COL10A1: variants seen among roughly 807,000 people sequenced by gnomAD.
The protein encoded by COL10A1 is collagen type X alpha 1 chain, also known as collagen alpha-1(X) chain.
COL10A1 carries 10 observed loss-of-function variants against 18.2 expected under a neutral mutation model. That is an observed-to-expected ratio of 0.55 (90% CI 0.34 to 0.93). The LOEUF (loss-of-function observed/expected upper bound fraction) is 0.93. Ranked by LOEUF, COL10A1 falls within the 40% of genes least tolerant of loss-of-function variation. The pLI is 0.02. For synonymous variants in COL10A1, 330 were observed against 316.6 expected (o/e 1.04, Z -0.45); for missense variants, 897 against 853.5 (o/e 1.05, Z -0.64).
chr6:116,164,953 C>T, the COL10A1 span, among the ~76,000 whole-genome samples: 8 of 151,844 alleles, frequency 5.3e-5, no homozygotes, highest in African/African-American at 1.7e-4. Context: ...AAAAAATTAG[C>T]GGACATGGTG....
the COL10A1 span, among the ~76,000 whole-genome samples, chr6:116,208,965 G>T: frequency 2.0e-5 from 3 of 151,850 alleles, no homozygotes; most frequent in African/African-American, 7.3e-5. Flanking sequence ...ATACATAAAG[G>T]TATTTATGTT....
chr6:116,175,736 A>T, the COL10A1 span, among the ~76,000 whole-genome samples: 520 of 152,284 alleles, frequency 3.4e-3, 15 homozygotes, highest in South Asian at 0.046. Flanking sequence ...CTCATCTCAG[A>T]TACTGTCTTT....
chr6:116,190,722 T>C, the COL10A1 span, among the ~76,000 whole-genome samples: 13 of 152,022 alleles, frequency 8.6e-5, no homozygotes, highest in Non-Finnish European at 1.9e-4. Flanking sequence ...GTCTCTGGAT[T>C]CTTGACAACT....
rs78770010 is a variant in COL10A1 at position 116,157,558 on chromosome 6, G to A, written c.-16+1056C>T. On this transcript the variant is annotated intron_variant, in intron 1 of 1. Transcript: ENST00000418500. ...TTGAAGAGATTTGAGTCCAATGGGGGATCAAGTGTATGTGAAATTGCATTT... is the reference window on the plus strand; with the variant it reads ...TTGAAGAGATTTGAGTCCAATGGGGAATCAAGTGTATGTGAAATTGCATTT... 7.0e-3 allele frequency among the ~76,000 whole-genome samples: 1,062 copies of A among 152,286 alleles called. 7 individuals are homozygous for A. Among genetic ancestry groups the A allele is most frequent in the African/African-American group, 0.024 (1,007 of 41,542 alleles).
At chr6:116,148,749 GTT>G (rs1779959026) in intron 1 of COL10A1, among the ~76,000 whole-genome samples, 1 of 152,044 alleles carries the variant, frequency 6.6e-6, no homozygotes, top group Non-Finnish European at 1.5e-5. Context: ...GCAAAATACT[GTT>G]TATTATTCAG....
At chr6:116,139,345 A>G (rs899970634) in intron 1 of COL10A1, among the ~76,000 whole-genome samples, 6 of 152,130 alleles carry the variant, frequency 3.9e-5, no homozygotes, top group African/African-American at 7.2e-5. Flanking sequence ...TAGAATTTGG[A>G]TAATACAATT....
Position 116,145,066 on chromosome 6 carries a change from T to A in COL10A1, c.-16+13548A>T, listed in dbSNP as rs74789767. ...GATACATGAGAAATGGAATGCCTTTTAAATCTAATATATCAGCAAAGTTAT... is the reference window on the plus strand; with the variant it reads ...GATACATGAGAAATGGAATGCCTTTAAAATCTAATATATCAGCAAAGTTAT... On this transcript the variant is annotated intron_variant, in intron 1 of 1. Coordinates refer to the COL10A1 transcript ENST00000418500. Among the ~76,000 whole-genome samples, 383 of 152,280 alleles carry A rather than the reference T, an allele frequency of 2.5e-3. 15 individuals carry two copies. The East Asian group carries it at 0.064, about 26-fold the overall frequency.
intron 1 of COL10A1, among the ~76,000 whole-genome samples, chr6:116,151,591 C>A (rs1780039694): frequency 6.6e-6 from 1 of 152,124 alleles, no homozygotes; most frequent in African/African-American, 2.4e-5. Context: ...TTAAAATTCA[C>A]AGAGTTATCT....
Position 116,120,722 on chromosome 6 carries a change from G to A in COL10A1, c.1394C>T (p.Ser465Phe), listed in dbSNP as rs777567387. ...ACCGGGACTTCCTGGATCCCCTTTA[G>A]ACCCAGGGAATCCTGGAATGCCTGG... ...GPPGIPGFPGSKGDPGSPGPP... is the reference protein window; with the variant it reads ...GPPGIPGFPGFKGDPGSPGPP... Residue 465 changes from serine (S) to phenylalanine (F), a missense_variant, in exon 3 of 3, where the codon TCT (serine) becomes TTT (phenylalanine). By Grantham distance (155) the Ser-to-Phe change is radical (BLOSUM62 -2). Transcript: ENST00000651968. The A allele has an allele frequency of 9.5e-6, 15 of 1,584,310 alleles. No individual in the cohort carries two copies. In the South Asian group the frequency reaches 1.7e-4, roughly 18 times the overall value.
chr6:116,173,229 A>G, the COL10A1 span, among the ~76,000 whole-genome samples: 1 of 152,208 alleles, frequency 6.6e-6, no homozygotes, highest in African/African-American at 2.4e-5. Flanking sequence ...GTCAGTGGCT[A>G]CTCCTTACCA....
chr6:116,206,864 T>C, the COL10A1 span, among the ~76,000 whole-genome samples: 2 of 152,010 alleles, frequency 1.3e-5, no homozygotes, highest in African/African-American at 2.4e-5. Flanking sequence ...ATAGGGCATT[T>C]AGTGTTTATT....
the COL10A1 span, among the ~76,000 whole-genome samples, chr6:116,214,807 A>T: frequency 6.6e-6 from 1 of 151,392 alleles, no homozygotes; most frequent in Non-Finnish European, 1.5e-5. Flanking sequence ...GTACCCTAAA[A>T]CTTAAAGTAT....
At chr6:116,178,645 A>G in the COL10A1 span, among the ~76,000 whole-genome samples, 3 of 152,246 alleles carry the variant, frequency 2.0e-5, no homozygotes, top group Non-Finnish European at 4.4e-5. Flanking sequence ...AAAGAACTAT[A>G]GTTTTGGTAA....
chr6:116,178,306 T>A, the COL10A1 span, among the ~76,000 whole-genome samples: 6 of 152,266 alleles, frequency 3.9e-5, no homozygotes, highest in East Asian at 7.7e-4. Flanking sequence ...CAGGTGACAT[T>A]GGGCGCATTC....
chr6:116,187,979 A>G, the COL10A1 span, among the ~76,000 whole-genome samples: 1 of 152,076 alleles, frequency 6.6e-6, no homozygotes, highest in African/African-American at 2.4e-5. Context: ...ATCTAGTGTA[A>G]AAAAGACCTA....
chr6:116,210,135 A>G, the COL10A1 span, among the ~76,000 whole-genome samples: 1 of 151,994 alleles, frequency 6.6e-6, no homozygotes. Context: ...ATATTGATGG[A>G]TACTTTTTTC....
chr6:116,173,674 T>G, the COL10A1 span, among the ~76,000 whole-genome samples: 519 of 152,324 alleles, frequency 3.4e-3, 15 homozygotes, highest in South Asian at 0.046. Flanking sequence ...TTGTAATTTA[T>G]TTATTTATTT....
chr6:116,183,078 G>A, the COL10A1 span, among the ~76,000 whole-genome samples: 1 of 151,856 alleles, frequency 6.6e-6, no homozygotes, highest in Admixed American at 6.6e-5. Flanking sequence ...GATCCATTTC[G>A]TTCTTCTACA....
chr6:116,130,066 T>C (rs1325884987), upstream of COL10A1, among the ~76,000 whole-genome samples: 2 of 152,190 alleles, frequency 1.3e-5, no homozygotes, highest in East Asian at 3.9e-4. Context: ...CTACAGTCAA[T>C]ATTTTATTAT....
Sources: allele counts gnomAD v4.1 joint callset (sites outside exome capture counted in the v4.1 genomes callset), GRCh38; gene constraint gnomAD v4.1.1; transcripts MANE v1.5; gene names NCBI Gene and HGNC (gene_info 2026-07-23, HGNC 2026-07-21).